The following XRCC5 variants were observed in gnomAD, a reference collection of about 807,000 sequenced individuals.
XRCC5 encodes the protein X-ray repair cross complementing 5.
Under a neutral mutation model 95.7 loss-of-function variants are expected in XRCC5, and 12 were observed. The ratio of observed to expected loss-of-function variants is 0.13; its 90% CI spans 0.08 to 0.20. The LOEUF is 0.20. Ranked by LOEUF, XRCC5 falls within the 10% of genes least tolerant of loss-of-function variation. The pLI, the probability that XRCC5 is intolerant of heterozygous loss-of-function variation, is 1.00. For missense variants in XRCC5, 595 were observed against 873.9 expected, an observed-to-expected ratio of 0.68 and a Z score of 4.02; for synonymous variants, 281 against 290.3, an observed-to-expected ratio of 0.97 and a Z score of 0.33.
At chr2:216,176,508 G>T (rs1299389823) in intron 16 of XRCC5, among the ~76,000 whole-genome samples, 1 of 152,080 alleles carries the variant, frequency 6.6e-6, no homozygotes, top group African/African-American at 2.4e-5. Context: ...TGTTCCTTTT[G>T]TCTAATTTTT....
chr2:216,123,197 T>G (rs942274654), intron 6 of XRCC5, among the ~76,000 whole-genome samples: 11 of 152,380 alleles, frequency 7.2e-5, no homozygotes, highest in Admixed American at 7.2e-4. Context: ...ACTAGAATTT[T>G]TTTAAGTAGC....
intron 16 of XRCC5, among the ~76,000 whole-genome samples, chr2:216,170,131 C>A (rs897001100): frequency 1.3e-5 from 2 of 150,438 alleles, no homozygotes; most frequent in African/African-American, 4.9e-5. Context: ...TCTGGGATCC[C>A]CTTTGTCAAG....
At chr2:216,140,520 T>G (rs1697154863) in intron 12 of XRCC5, among the ~76,000 whole-genome samples, 1 of 152,202 alleles carries the variant, frequency 6.6e-6, no homozygotes, top group South Asian at 2.1e-4. Context: ...TGTTTTTTAT[T>G]AGTATTAGGA....
At chr2:216,162,328 T>G (rs1688968229) in intron 16 of XRCC5, among the ~76,000 whole-genome samples, 1 of 152,202 alleles carries the variant, frequency 6.6e-6, no homozygotes. Context: ...TTCATTGAAG[T>G]TTTTTAGGAT....
chr2:216,132,925 G>A (rs929088706), intron 10 of XRCC5, among the ~76,000 whole-genome samples: 1 of 152,146 alleles, frequency 6.6e-6, no homozygotes, highest in Admixed American at 6.6e-5. Context: ...AACTTTGTTG[G>A]AGATACTGAT....
intron 13 of XRCC5, among the ~76,000 whole-genome samples, chr2:216,141,776 C>T (rs1241817467): frequency 5.9e-5 from 9 of 152,004 alleles, no homozygotes; most frequent in Admixed American, 1.3e-4. Context: ...GTCTTGGCCA[C>T]GTGCGGTGGT....
intron 6 of XRCC5, 138 bp downstream of exon 6, chr2:216,122,391 A>G: frequency 1.3e-6 from 1 of 796,266 alleles, no homozygotes; most frequent in Non-Finnish European, 1.9e-6. Context: ...GTTTTATTAA[A>G]GAAATAGTAC....
chr2:216,126,796 C>T (rs924138220), intron 7 of XRCC5, among the ~76,000 whole-genome samples: 2 of 152,038 alleles, frequency 1.3e-5, no homozygotes, highest in Non-Finnish European at 2.9e-5. Context: ...TTTCAGCTTC[C>T]ATCAAAGCCT....
chr2:216,197,872 A>G (rs1252362705), intron 19 of XRCC5, among the ~76,000 whole-genome samples: 2 of 152,188 alleles, frequency 1.3e-5, no homozygotes, highest in African/African-American at 2.4e-5. Context: ...TATACCAGAT[A>G]TTTAGATAAC....
chr2:216,141,540 C>CTTTTTTTTTTTTTTTTTTTTT lies in XRCC5; in HGVS notation c.1476+227_1476+247dup, dbSNP rs71401137. On this transcript the variant is annotated intron_variant, in intron 13 of 20. Coordinates refer to ENST00000392132, the MANE Select transcript of XRCC5 (RefSeq NM_021141.4). ...AAAGTTGGAATGCTTTCTTTCTTTTCTTTTTTTTTTTTTTTTTTTTTTTTT... is the reference window on the plus strand; with the variant it reads ...AAAGTTGGAATGCTTTCTTTCTTTTCTTTTTTTTTTTTTTTTTTTTTTTTTTTTTTTTTTTTTTTTTTTTTT... 1.1e-3 allele frequency among the ~76,000 whole-genome samples: 73 copies of CTTTTTTTTTTTTTTTTTTTTT among 64,946 alleles called. 12 individuals carry two copies. The highest frequency in any genetic ancestry group is 3.5e-3 in the East Asian group (7 of 2,004). The allele number at this position is 64,946 out of a possible 152,430, so 42.6% of individuals were successfully genotyped here.
intron 19 of XRCC5, among the ~76,000 whole-genome samples, chr2:216,202,395 C>T (rs1689849316): frequency 6.6e-6 from 1 of 152,048 alleles, no homozygotes; most frequent in Admixed American, 6.6e-5. Context: ...AAATAAAAAC[C>T]CATTTGAGAA....
intron 13 of XRCC5, among the ~76,000 whole-genome samples, chr2:216,147,284 G>A (rs912169420): frequency 6.6e-6 from 1 of 152,150 alleles, no homozygotes; most frequent in Admixed American, 6.5e-5. Context: ...GTGTATGAGC[G>A]AAGCAGGAGC....
At chr2:216,191,051 T>C (rs914323010) in intron 17 of XRCC5, among the ~76,000 whole-genome samples, 3 of 152,068 alleles carry the variant, frequency 2.0e-5, no homozygotes, top group Non-Finnish European at 4.4e-5. Flanking sequence ...GACAAGAAAA[T>C]GGAAAAATCA....
chr2:216,130,155 T>C (rs983782162), intron 8 of XRCC5, among the ~76,000 whole-genome samples: 5 of 151,952 alleles, frequency 3.3e-5, no homozygotes, highest in East Asian at 3.9e-4. Flanking sequence ...TGATGCTCCT[T>C]CTTCCCACAA....
At position 216,119,036 on chromosome 2, in the gene XRCC5, C is replaced by G. The variant is rs1409357717; in HGVS notation, c.369-7C>G. The G allele has an allele frequency of 5.0e-6, 8 of 1,613,352 alleles. No individual in the cohort carries two copies. In the South Asian group the frequency reaches 5.5e-5, roughly 11 times the overall value. On this transcript the variant is annotated splice_region_variant and splice_polypyrimidine_tract_variant and intron_variant, in intron 4 of 20. Coordinates refer to ENST00000392132, the MANE Select transcript of XRCC5 (RefSeq NM_021141.4). ...TGATTTCTTAATATGATAACTCTCTCTTTTAGAGGAAAGAAGTTTGAGAAG... is the reference window on the plus strand; with the variant it reads ...TGATTTCTTAATATGATAACTCTCTGTTTTAGAGGAAAGAAGTTTGAGAAG...
intron 16 of XRCC5, among the ~76,000 whole-genome samples, chr2:216,178,553 G>T (rs1689320552): frequency 1.3e-5 from 2 of 152,144 alleles, no homozygotes; most frequent in South Asian, 4.1e-4. Context: ...AGAAAAAGGT[G>T]TACACCAAGA....
intron 5 of XRCC5, among the ~76,000 whole-genome samples, chr2:216,119,456 C>G (rs1417920809): frequency 6.6e-6 from 1 of 152,074 alleles, no homozygotes; most frequent in Non-Finnish European, 1.5e-5. Context: ...ATTAGAAGAA[C>G]CCTTTGAGGA....
At chr2:216,113,648 G>C (rs1696633972) in intron 2 of XRCC5, among the ~76,000 whole-genome samples, 1 of 152,220 alleles carries the variant, frequency 6.6e-6, no homozygotes, top group Non-Finnish European at 1.5e-5. Context: ...TCAGATGGCA[G>C]CTGGGGCTGG....
At chr2:216,114,570 C>T (rs758396869) in intron 2 of XRCC5, among the ~76,000 whole-genome samples, 1 of 151,504 alleles carries the variant, frequency 6.6e-6, no homozygotes, top group Non-Finnish European at 1.5e-5. Context: ...AATTAGAAAT[C>T]CGTCCCTCTG....
Sources: allele counts gnomAD v4.1 joint callset (sites outside exome capture counted in the v4.1 genomes callset), GRCh38; gene constraint gnomAD v4.1.1; transcripts MANE v1.5; gene names NCBI Gene and HGNC (gene_info 2026-07-23, HGNC 2026-07-21).